Variants in ROBO2 observed in about 807,000 individuals in gnomAD.
The protein encoded by ROBO2 is roundabout homolog 2.
ROBO2 carries 53 observed loss-of-function variants against 160.8 expected under a neutral mutation model. That is an observed-to-expected ratio of 0.33 (90% CI 0.26 to 0.41). ROBO2 has a LOEUF of 0.41. Among genes scored for constraint, ROBO2 ranks in the 10% least tolerant of loss-of-function variants. ROBO2 has a pLI of 1.00. For missense variants in ROBO2, 1,577 were observed against 1,722.4 expected, an observed-to-expected ratio of 0.92 and a Z score of 1.49; for synonymous variants, 664 against 611.7, an observed-to-expected ratio of 1.09 and a Z score of -1.26.
chr3:76,691,518 G>T (rs1266936880), intron 2 of ROBO2, among the ~76,000 whole-genome samples: 1 of 152,064 alleles, frequency 6.6e-6, no homozygotes, highest in African/African-American at 2.4e-5. Context: ...ATATTAATGA[G>T]CGGAAAAAAA....
At chr3:77,045,935 G>A (rs139250332) in intron 1 of ROBO2, among the ~76,000 whole-genome samples, 58 of 152,286 alleles carry the variant, frequency 3.8e-4, no homozygotes, top group Non-Finnish European at 5.9e-4. Context: ...CCGTGTCATA[G>A]CATATGCATC....
intron 8 of ROBO2, among the ~76,000 whole-genome samples, chr3:77,552,254 A>G (rs2092946853): frequency 6.6e-6 from 1 of 152,048 alleles, no homozygotes; most frequent in African/African-American, 2.4e-5. Flanking sequence ...GTTTTATTCT[A>G]TATTCCTAAG....
chr3:76,183,043 C>T (rs1340370376), intron 2 of ROBO2, among the ~76,000 whole-genome samples: 2 of 152,022 alleles, frequency 1.3e-5, no homozygotes, highest in African/African-American at 4.8e-5. Flanking sequence ...ATGTTAATTG[C>T]TTTGCTTGAT....
chr3:76,457,948 G>A (rs759659027), intron 2 of ROBO2, among the ~76,000 whole-genome samples: 4 of 152,070 alleles, frequency 2.6e-5, no homozygotes, highest in Non-Finnish European at 4.4e-5. Context: ...GGGAACCCTG[G>A]ACCTGGCCCA....
At chr3:76,801,458 G>A (rs561902256) in intron 2 of ROBO2, among the ~76,000 whole-genome samples, 51 of 152,146 alleles carry the variant, frequency 3.4e-4, no homozygotes, top group African/African-American at 1.2e-3. Flanking sequence ...AATGCTTGAG[G>A]TGTTGGATGC....
chr3:77,343,652 A>C (rs2067310339), intron 2 of ROBO2, among the ~76,000 whole-genome samples: 1 of 152,188 alleles, frequency 6.6e-6, no homozygotes, highest in South Asian at 2.1e-4. Flanking sequence ...GCAATGTGTC[A>C]AGTGCTTAAT....
intron 2 of ROBO2, among the ~76,000 whole-genome samples, chr3:77,385,636 T>C (rs2074019191): frequency 1.3e-5 from 2 of 152,210 alleles, no homozygotes; most frequent in South Asian, 2.1e-4. Flanking sequence ...CCTATTCCTA[T>C]GGAAAACTTA....
chr3:76,238,115 G>C (rs576138538), intron 2 of ROBO2, among the ~76,000 whole-genome samples: 2 of 152,252 alleles, frequency 1.3e-5, no homozygotes, highest in South Asian at 4.1e-4. Context: ...TAAAGGACTT[G>C]GGAGGTTATT....
At chr3:77,197,685 G>C (rs181360740) in intron 2 of ROBO2, among the ~76,000 whole-genome samples, 1 of 152,126 alleles carries the variant, frequency 6.6e-6, no homozygotes, top group South Asian at 2.1e-4. Context: ...ACAGAATAAA[G>C]GTCTCTAAAG....
intron 2 of ROBO2, among the ~76,000 whole-genome samples, chr3:76,586,612 T>C (rs941493463): frequency 1.3e-5 from 2 of 152,250 alleles, no homozygotes; most frequent in African/African-American, 4.8e-5. Context: ...TTCCCACTTA[T>C]AGCACTTCTT....
At chr3:77,071,975 G>T (rs986388364) in intron 1 of ROBO2, among the ~76,000 whole-genome samples, 26 of 152,136 alleles carry the variant, frequency 1.7e-4, no homozygotes, top group African/African-American at 5.6e-4. Context: ...GACTTGTTAG[G>T]AACTGGGCCA....
At chr3:76,062,225 A>T (rs937433594) in intron 2 of ROBO2, among the ~76,000 whole-genome samples, 11 of 151,196 alleles carry the variant, frequency 7.3e-5, no homozygotes, top group African/African-American at 2.5e-4. Flanking sequence ...GAAAGGCATA[A>T]CTGATTTTTG....
At chr3:77,158,675 C>T (rs1467723519) in intron 2 of ROBO2, among the ~76,000 whole-genome samples, 1 of 152,064 alleles carries the variant, frequency 6.6e-6, no homozygotes, top group Non-Finnish European at 1.5e-5. Context: ...AGAGACTCCC[C>T]TAGAAGAGTT....
At chr3:76,485,372 A>G (rs191019546) in intron 2 of ROBO2, among the ~76,000 whole-genome samples, 42 of 152,162 alleles carry the variant, frequency 2.8e-4, no homozygotes, top group African/African-American at 1.0e-3. Flanking sequence ...GCTGCCGCTA[A>G]TCTGACAGGA....
chr3:77,253,858 G>A lies in ROBO2; in HGVS notation c.388+155518G>A, dbSNP rs142788189. ...TGACCTAGAATTATGAATATAAACT[G>A]ATATTATTTACGAACCTCTAATCTG... On this transcript the variant is annotated intron_variant, in intron 2 of 25. Transcript: ENST00000461745. 2.7e-3 allele frequency among the ~76,000 whole-genome samples: 412 copies of A among 152,118 alleles called. 2 individuals are homozygous for A. Among genetic ancestry groups the A allele is most frequent in the African/African-American group, 9.5e-3 (395 of 41,476 alleles).
chr3:76,736,606 T>G (rs2093717593), intron 2 of ROBO2, among the ~76,000 whole-genome samples: 1 of 152,314 alleles, frequency 6.6e-6, no homozygotes, highest in African/African-American at 2.4e-5. Flanking sequence ...TGGAAGAGGA[T>G]CTGCAGTAAG....
chr3:77,031,358 T>A (rs7639111), intron 2 of ROBO2, among the ~76,000 whole-genome samples: 20,415 of 150,892 alleles, frequency 0.14, 1,485 homozygotes, highest in African/African-American at 0.18. Flanking sequence ...AAAACACACT[T>A]TTCTCTTTTT....
At chr3:77,317,322 C>A in intron 2 of ROBO2, 1 of 771,906 alleles carries the variant, frequency 1.3e-6, no homozygotes, top group Non-Finnish European at 2.3e-6. Context: ...CAAGGTCAGC[C>A]TCAGGCCACG....
At chr3:76,324,199 A>G (rs776902761) in intron 2 of ROBO2, among the ~76,000 whole-genome samples, 1 of 152,192 alleles carries the variant, frequency 6.6e-6, no homozygotes, top group African/African-American at 2.4e-5. Context: ...TCATGGGAGT[A>G]CTTTGACGTG....
Sources: allele counts gnomAD v4.1 joint callset (sites outside exome capture counted in the v4.1 genomes callset), GRCh38; gene constraint gnomAD v4.1.1; transcripts MANE v1.5; gene names NCBI Gene and HGNC (gene_info 2026-07-23, HGNC 2026-07-21).